ZBTB20: variants seen among roughly 807,000 people sequenced by gnomAD.
ZBTB20 encodes the protein zinc finger and BTB domain-containing protein 20.
ZBTB20 carries 9 observed loss-of-function variants against 56.9 expected under a neutral mutation model. That is an observed-to-expected ratio of 0.16 (90% CI 0.10 to 0.28). ZBTB20 has a LOEUF of 0.28. ZBTB20 is among the 10% of genes least tolerant of loss of function. The pLI, the probability that ZBTB20 is intolerant of heterozygous loss-of-function variation, is 1.00. For synonymous variants in ZBTB20, 417 were observed against 420.7 expected, an observed-to-expected ratio of 0.99 and a Z score of 0.11; for missense variants, 655 against 1,003.0, an observed-to-expected ratio of 0.65 and a Z score of 4.69.
chr3:115,066,831 C>T (rs1157218091), intron 2 of ZBTB20, among the ~76,000 whole-genome samples: 2 of 152,016 alleles, frequency 1.3e-5, no homozygotes, highest in Non-Finnish European at 2.9e-5. Context: ...TGTCCCTTCC[C>T]CTGTCTTCTC....
intron 4 of ZBTB20, among the ~76,000 whole-genome samples, chr3:114,885,651 G>C (rs561665088): frequency 6.6e-6 from 1 of 152,074 alleles, no homozygotes; most frequent in East Asian, 1.9e-4. Flanking sequence ...GCAAATCCCA[G>C]TTTGGTATTA....
chr3:114,916,054 T>C (rs1317531687), intron 3 of ZBTB20, among the ~76,000 whole-genome samples: 1 of 152,130 alleles, frequency 6.6e-6, no homozygotes, highest in Non-Finnish European at 1.5e-5. Context: ...TATGTAAATA[T>C]GTATTAGGTT....
chr3:114,419,330 G>T (rs995915196), intron 7 of ZBTB20, among the ~76,000 whole-genome samples: 2 of 152,098 alleles, frequency 1.3e-5, no homozygotes, highest in South Asian at 2.1e-4. Context: ...AAGCGTATTA[G>T]CAGTCTATGG....
In ZBTB20 at chr3:114,531,139, T is replaced by G. The variant is rs544136254; in HGVS notation, c.-294-30748A>C. Among the ~76,000 whole-genome samples, 46 of 152,246 alleles carry G rather than the reference T, an allele frequency of 3.0e-4. 1 individual carries two copies. Among genetic ancestry groups the G allele is most frequent in the African/African-American group, 9.6e-5 (4 of 41,458 alleles). On this transcript the variant is annotated intron_variant, in intron 6 of 11. Transcript: ENST00000675478. ...GCATTTTAAGAAAATCTAAATATTT[T>G]GTGCCACCTTAAATTCAAGTCCCAA...
intron 5 of ZBTB20, among the ~76,000 whole-genome samples, chr3:114,770,815 C>T (rs77130763): frequency 3.9e-5 from 6 of 151,940 alleles, no homozygotes; most frequent in Admixed American, 1.3e-4. Context: ...AGGCTTTTTT[C>T]GGATTTTGGA....
chr3:115,024,861 T>C (rs949852582), intron 2 of ZBTB20, among the ~76,000 whole-genome samples: 2 of 151,192 alleles, frequency 1.3e-5, no homozygotes, highest in African/African-American at 4.8e-5. Flanking sequence ...TTGTTGTTAG[T>C]AGTAGTAGTT....
intron 7 of ZBTB20, among the ~76,000 whole-genome samples, chr3:114,471,119 C>G (rs1212215103): frequency 6.6e-6 from 1 of 152,158 alleles, no homozygotes; most frequent in Non-Finnish European, 1.5e-5. Flanking sequence ...GCATACAACA[C>G]TCAAGAAAGG....
chr3:115,127,495 G>C (rs1477136223), intron 1 of ZBTB20, among the ~76,000 whole-genome samples: 2 of 152,156 alleles, frequency 1.3e-5, no homozygotes, highest in Non-Finnish European at 1.5e-5. Flanking sequence ...TGGGGAGGCT[G>C]AGGCACAAAA....
At chr3:114,828,804 G>C (rs368320947) in intron 4 of ZBTB20, among the ~76,000 whole-genome samples, 3 of 151,784 alleles carry the variant, frequency 2.0e-5, no homozygotes, top group African/African-American at 7.2e-5. Context: ...CTTCCAATTT[G>C]GCTAAACTTA....
intron 3 of ZBTB20, among the ~76,000 whole-genome samples, chr3:114,951,926 T>C (rs776387921): frequency 8.6e-5 from 13 of 151,682 alleles, no homozygotes; most frequent in Admixed American, 2.6e-4. Flanking sequence ...AAATAAAATT[T>C]TAAAAAAATA....
intron 6 of ZBTB20, among the ~76,000 whole-genome samples, chr3:114,577,185 C>T (rs1311795088): frequency 6.6e-6 from 1 of 151,732 alleles, no homozygotes; most frequent in Non-Finnish European, 1.5e-5. Context: ...GTGACCAGCA[C>T]AACTAAACAT....
rs577378879 is a variant in ZBTB20 at position 114,317,539 on chromosome 3, A to G, written c.*21466T>C. 3 of 152,362 alleles carry G rather than the reference A, an allele frequency of 2.0e-5. No homozygotes were observed. In the East Asian group the frequency reaches 5.8e-4, roughly 29 times the overall value. The allele number at this position is 152,362 out of a possible 1,614,324, so 9.4% of individuals were successfully genotyped here. ...CAAACGGATTTAGGCTGTCATGTAC[A>G]TGGTTACTCAATGCTTTAAATGTCC... On this transcript the variant is annotated 3_prime_UTR_variant, in exon 12 of 12. Transcript: ENST00000675478.
At chr3:114,443,634 T>G (rs1265618917) in intron 7 of ZBTB20, among the ~76,000 whole-genome samples, 2 of 152,168 alleles carry the variant, frequency 1.3e-5, no homozygotes, top group African/African-American at 2.4e-5. Flanking sequence ...GTTCATTGCA[T>G]GAGAAGACAA....
chr3:115,104,403 A>G (rs915999296), intron 1 of ZBTB20, among the ~76,000 whole-genome samples: 3 of 152,240 alleles, frequency 2.0e-5, no homozygotes, highest in Non-Finnish European at 4.4e-5. Context: ...AGATGTTTAC[A>G]GTAATTTTAT....
chr3:114,713,761 C>A (rs1473656886), intron 5 of ZBTB20, among the ~76,000 whole-genome samples: 1 of 152,016 alleles, frequency 6.6e-6, no homozygotes, highest in Admixed American at 6.6e-5. Context: ...TCTTTTATGT[C>A]TTTTAAATTT....
intron 4 of ZBTB20, among the ~76,000 whole-genome samples, chr3:114,810,706 T>G (rs889063293): frequency 1.3e-5 from 2 of 152,238 alleles, no homozygotes; most frequent in African/African-American, 4.8e-5. Context: ...AAACGACTTA[T>G]GCCATATGCC....
At chr3:114,919,561 C>T (rs752313048) in intron 3 of ZBTB20, among the ~76,000 whole-genome samples, 109 of 151,944 alleles carry the variant, frequency 7.2e-4, no homozygotes, top group Non-Finnish European at 1.3e-3. Flanking sequence ...CAAAATTAGC[C>T]GGGTGCGGTG....
At chr3:114,925,362 C>T (rs1249112379) in intron 3 of ZBTB20, among the ~76,000 whole-genome samples, 1 of 152,090 alleles carries the variant, frequency 6.6e-6, no homozygotes, top group Non-Finnish European at 1.5e-5. Flanking sequence ...TCCCTTTCAT[C>T]TCTTAAAGCG....
At chr3:115,122,257 C>CATT (rs1443028202) in intron 1 of ZBTB20, among the ~76,000 whole-genome samples, 3 of 152,006 alleles carry the variant, frequency 2.0e-5, no homozygotes, top group Non-Finnish European at 2.9e-5. Context: ...GGAGTTAAAA[C>CATT]TGAAATAACT....
Sources: allele counts gnomAD v4.1 joint callset (sites outside exome capture counted in the v4.1 genomes callset), GRCh38; gene constraint gnomAD v4.1.1; transcripts MANE v1.5; gene names NCBI Gene and HGNC (gene_info 2026-07-23, HGNC 2026-07-21).